Variants in ZNF438 observed in about 807,000 individuals in gnomAD.
ZNF438 encodes the protein zinc finger protein 438.
Under a neutral mutation model 38.0 loss-of-function variants are expected in ZNF438, and 25 were observed. That is an observed-to-expected ratio of 0.66 (90% CI 0.48 to 0.92). The LOEUF (loss-of-function observed/expected upper bound fraction) is 0.92, where lower values mean the gene tolerates loss of function less well. ZNF438 is among the 40% of genes least tolerant of loss of function. The pLI is 0.00. For synonymous variants in ZNF438, 372 were observed against 364.1 expected (o/e 1.02, Z -0.25); for missense variants, 1,007 against 999.6 (o/e 1.01, Z -0.10).
At chr10:30,872,391 A>C (rs2037585290) in intron 4 of ZNF438, among the ~76,000 whole-genome samples, 1 of 129,854 alleles carries the variant, frequency 7.7e-6, no homozygotes, top group African/African-American at 2.9e-5. Flanking sequence ...GCACCACTGC[A>C]CTCTAGCCTG....
intron 1 of ZNF438, among the ~76,000 whole-genome samples, chr10:30,949,260 T>C (rs898817973): frequency 2.6e-5 from 4 of 151,552 alleles, no homozygotes; most frequent in African/African-American, 7.3e-5. Flanking sequence ...GCGCTAAACA[T>C]GGAAAGGAAA....
chr10:30,868,095 G>A (rs539257845), intron 4 of ZNF438, among the ~76,000 whole-genome samples: 1 of 148,842 alleles, frequency 6.7e-6, no homozygotes, highest in East Asian at 2.0e-4. Context: ...TTGAGACGGA[G>A]TTTCGCTTTT....
At chr10:30,914,008 G>A (rs996596202) in intron 2 of ZNF438, among the ~76,000 whole-genome samples, 4 of 152,010 alleles carry the variant, frequency 2.6e-5, no homozygotes, top group African/African-American at 7.3e-5. Context: ...TCCTAAACAC[G>A]TTTTAAACTG....
intron 2 of ZNF438, among the ~76,000 whole-genome samples, chr10:30,933,047 A>AATTT (rs1237130409): frequency 6.6e-6 from 1 of 152,176 alleles, no homozygotes; most frequent in African/African-American, 2.4e-5. Context: ...TAAGAGAATA[A>AATTT]ATTTCTGTTA....
chr10:30,910,531 C>T (rs1440128856), intron 2 of ZNF438: 1 of 151,646 alleles, frequency 6.6e-6, no homozygotes, highest in African/African-American at 2.4e-5. Flanking sequence ...ACAATCTGGT[C>T]AGTATGAAGA....
intron 1 of ZNF438, among the ~76,000 whole-genome samples, chr10:30,979,068 T>C (rs1446399884): frequency 6.6e-6 from 1 of 152,228 alleles, no homozygotes; most frequent in Admixed American, 6.5e-5. Context: ...TGACAGCATG[T>C]CTGTTTACAC....
At position 30,958,728 on chromosome 10, in the gene ZNF438, C is replaced by T. The variant is rs1306715510; in HGVS notation, c.-191-17077G>A. 1.4e-5 allele frequency among the ~76,000 whole-genome samples: 2 copies of T among 147,000 alleles called. 1 individual carries two copies. ...AGTTCATATGCAGTCAATTCCTGCT[C>T]CAACCCCTAGTTCCCCTCTAATCTC... On this transcript the variant is annotated intron_variant, in intron 1 of 5. Transcript: ENST00000413025.
intron 1 of ZNF438, among the ~76,000 whole-genome samples, chr10:30,959,392 GCTGA>G (rs2049215726): frequency 6.8e-6 from 1 of 146,112 alleles, no homozygotes; most frequent in African/African-American, 2.4e-5. Context: ...TGGTTTTCCA[GCTGA>G]CTGCCTTTAG....
intron 4 of ZNF438, among the ~76,000 whole-genome samples, chr10:30,875,036 T>C (rs1053529371): frequency 2.0e-5 from 3 of 152,214 alleles, no homozygotes; most frequent in East Asian, 1.9e-4. Flanking sequence ...AGGCACATGA[T>C]TGAGGTTTTT....
At chr10:30,894,681 G>C (rs781329502) in intron 3 of ZNF438, among the ~76,000 whole-genome samples, 1 of 151,968 alleles carries the variant, frequency 6.6e-6, no homozygotes, top group Non-Finnish European at 1.5e-5. Flanking sequence ...GAAGAAAAAA[G>C]GAACAATGGC....
chr10:31,018,176 C>T (rs1564352890), intron 1 of ZNF438, among the ~76,000 whole-genome samples: 1 of 152,202 alleles, frequency 6.6e-6, no homozygotes, highest in Non-Finnish European at 1.5e-5. Flanking sequence ...TGCTGTTTGG[C>T]ACAGAGAAGC....
intron 3 of ZNF438, among the ~76,000 whole-genome samples, chr10:30,907,663 T>C (rs1183804440): frequency 6.6e-6 from 1 of 152,184 alleles, no homozygotes; most frequent in African/African-American, 2.4e-5. Context: ...ATTACCTTTT[T>C]TAAATTTCTG....
At chr10:30,913,799 C>A (rs2043307822) in intron 2 of ZNF438, among the ~76,000 whole-genome samples, 1 of 152,048 alleles carries the variant, frequency 6.6e-6, no homozygotes, top group Admixed American at 6.6e-5. Flanking sequence ...GGAATAAGAA[C>A]AAGGAACTTC....
chr10:31,007,359 G>A (rs1257695636), intron 1 of ZNF438, among the ~76,000 whole-genome samples: 2 of 140,844 alleles, frequency 1.4e-5, no homozygotes, highest in African/African-American at 2.7e-5. Context: ...TCAGCTCACT[G>A]CAACCTCCAC....
chr10:30,850,047 G>A (rs1460007360), exon 5 of ZNF438: 3 of 1,614,030 alleles, frequency 1.9e-6, no homozygotes, highest in Non-Finnish European at 2.5e-6. Context: ...CTAGGAATAG[G>A]AAGTTTCAGG....
chr10:31,013,015 A>G (rs2055851913), intron 1 of ZNF438, among the ~76,000 whole-genome samples: 1 of 152,108 alleles, frequency 6.6e-6, no homozygotes, highest in South Asian at 2.1e-4. Context: ...ACTAGAGATC[A>G]CTGTTATAAA....
chr10:30,844,938 T>A, exon 6 of ZNF438: 1 of 1,606,264 alleles, frequency 6.2e-7, no homozygotes, highest in Non-Finnish European at 8.5e-7. Context: ...GCTCTCTCCT[T>A]AACCCCAGGC....
chr10:31,014,150 T>C (rs2055978903), intron 1 of ZNF438, among the ~76,000 whole-genome samples: 1 of 152,212 alleles, frequency 6.6e-6, no homozygotes, highest in Admixed American at 6.5e-5. Flanking sequence ...TCCAATTTGC[T>C]ATACTGACTG....
At chr10:30,978,021 G>A (rs2051619733) in intron 1 of ZNF438, among the ~76,000 whole-genome samples, 1 of 151,282 alleles carries the variant, frequency 6.6e-6, no homozygotes, top group East Asian at 1.9e-4. Context: ...TTGGTATGTT[G>A]GTATGTCTTC....
Sources: allele counts gnomAD v4.1 joint callset (sites outside exome capture counted in the v4.1 genomes callset), GRCh38; gene constraint gnomAD v4.1.1; transcripts MANE v1.5; gene names NCBI Gene and HGNC (gene_info 2026-07-23, HGNC 2026-07-21).